DPP10: variants seen among roughly 807,000 people sequenced by gnomAD.
DPP10 encodes inactive dipeptidyl peptidase 10.
A neutral mutation model predicts 120.9 loss-of-function variants in DPP10; 33 were observed. The ratio of observed to expected loss-of-function variants is 0.27; its 90% CI spans 0.21 to 0.37. The LOEUF (loss-of-function observed/expected upper bound fraction) is 0.37, where lower values mean the gene tolerates loss of function less well. Among genes scored for constraint, DPP10 ranks in the 10% least tolerant of loss-of-function variants. DPP10 has a pLI of 1.00. For synonymous variants in DPP10, 337 were observed against 326.1 expected, an observed-to-expected ratio of 1.03 and a Z score of -0.36; for missense variants, 816 against 942.8, an observed-to-expected ratio of 0.87 and a Z score of 1.76.
intron 1 of DPP10, among the ~76,000 whole-genome samples, chr2:114,680,001 T>C (rs1698922233): frequency 6.6e-6 from 1 of 151,986 alleles, no homozygotes; most frequent in Admixed American, 6.6e-5. Context: ...CCTAGGATAT[T>C]TAAAATAGGA....
intron 1 of DPP10, among the ~76,000 whole-genome samples, chr2:115,087,208 C>T (rs1420836822): frequency 6.6e-6 from 1 of 152,188 alleles, no homozygotes; most frequent in Non-Finnish European, 1.5e-5. Flanking sequence ...ATTTTCCAAA[C>T]TGAAACACCT....
At chr2:114,544,388 A>G (rs1003106093) in intron 1 of DPP10, among the ~76,000 whole-genome samples, 1 of 152,210 alleles carries the variant, frequency 6.6e-6, no homozygotes, top group Non-Finnish European at 1.5e-5. Context: ...ACACAGACTA[A>G]TAAAGTATGT....
chr2:114,481,216 C>T (rs949902239), intron 1 of DPP10, among the ~76,000 whole-genome samples: 3 of 151,966 alleles, frequency 2.0e-5, no homozygotes, highest in Admixed American at 6.6e-5. Flanking sequence ...ACATAGAGCT[C>T]TCTAACCTCA....
In DPP10 at chr2:115,515,663, A is replaced by C. The variant is rs573572540; in HGVS notation, c.367-10235A>C. On this transcript the variant is annotated intron_variant, in intron 4 of 25. Coordinates refer to ENST00000410059, the MANE Select transcript of DPP10 (RefSeq NM_020868.6). ...CCACTGAAAGGATGTTCTGTGTTTC[A>C]CATATCTTAATAAACCTTTATCTGT... Among the ~76,000 whole-genome samples, 3 of 152,214 alleles carry C rather than the reference A, an allele frequency of 2.0e-5. No individual in the cohort carries two copies. In the South Asian group the frequency reaches 6.2e-4, roughly 32 times the overall value.
At chr2:115,017,326 T>C (rs537419752) in intron 1 of DPP10, among the ~76,000 whole-genome samples, 1 of 152,026 alleles carries the variant, frequency 6.6e-6, no homozygotes, top group East Asian at 1.9e-4. Flanking sequence ...CCAGTTAGAA[T>C]AGCAATCATT....
At chr2:115,725,033 T>G (rs2092732449) in intron 7 of DPP10, among the ~76,000 whole-genome samples, 1 of 152,190 alleles carries the variant, frequency 6.6e-6, no homozygotes, top group Non-Finnish European at 1.5e-5. Flanking sequence ...CACTAGGGAT[T>G]ACATCTCAAA....
intron 1 of DPP10, among the ~76,000 whole-genome samples, chr2:115,121,550 G>A (rs1207326144): frequency 6.6e-6 from 1 of 152,172 alleles, no homozygotes; most frequent in African/African-American, 2.4e-5. Context: ...TTTGGCTCTT[G>A]GAACATCCTT....
chr2:114,528,315 C>T (rs2104711947), intron 1 of DPP10, among the ~76,000 whole-genome samples: 1 of 152,200 alleles, frequency 6.6e-6, no homozygotes, highest in South Asian at 2.1e-4. Flanking sequence ...CCACAGTCAG[C>T]CAGAAGTGCT....
chr2:114,841,086 T>C (rs751406062), intron 1 of DPP10, among the ~76,000 whole-genome samples: 3 of 152,234 alleles, frequency 2.0e-5, no homozygotes, highest in Non-Finnish European at 4.4e-5. Flanking sequence ...ATATGTATTA[T>C]GTTTTTTAAA....
At chr2:114,716,309 T>C (rs1212856589) in intron 1 of DPP10, among the ~76,000 whole-genome samples, 2 of 152,204 alleles carry the variant, frequency 1.3e-5, no homozygotes, top group African/African-American at 4.8e-5. Context: ...GGTGAAAGTT[T>C]AATGCCTTTA....
At chr2:114,836,403 G>T (rs929904354) in intron 1 of DPP10, among the ~76,000 whole-genome samples, 10 of 152,088 alleles carry the variant, frequency 6.6e-5, no homozygotes, top group African/African-American at 2.4e-4. Context: ...CTGGGCTTCC[G>T]GGGGAGAAAT....
chr2:114,661,783 T>A (rs1697422999), intron 1 of DPP10, among the ~76,000 whole-genome samples: 1 of 152,162 alleles, frequency 6.6e-6, no homozygotes, highest in Non-Finnish European at 1.5e-5. Context: ...TGGTACTTTA[T>A]GAGAATGTGC....
chr2:115,700,106 A>G (rs1377711898), intron 7 of DPP10, among the ~76,000 whole-genome samples: 2 of 152,262 alleles, frequency 1.3e-5, no homozygotes, highest in East Asian at 3.9e-4. Flanking sequence ...GTTACCACAC[A>G]CTTTTAAACA....
chr2:114,976,410 G>T (rs1699761191), intron 1 of DPP10, among the ~76,000 whole-genome samples: 1 of 151,970 alleles, frequency 6.6e-6, no homozygotes, highest in South Asian at 2.1e-4. Flanking sequence ...GTATTTCTTG[G>T]CTGAATTTAT....
intron 2 of DPP10, among the ~76,000 whole-genome samples, chr2:115,340,564 T>C (rs1396461335): frequency 6.6e-6 from 1 of 151,966 alleles, no homozygotes; most frequent in Non-Finnish European, 1.5e-5. Flanking sequence ...ACATGAAAGA[T>C]ACCATGTTTG....
intron 1 of DPP10, among the ~76,000 whole-genome samples, chr2:114,702,662 C>A (rs1459002972): frequency 6.6e-6 from 1 of 152,060 alleles, no homozygotes; most frequent in Non-Finnish European, 1.5e-5. Context: ...CTTTATATTG[C>A]CTTGTCATAT....
chr2:114,741,310 A>G (rs1431308150), intron 1 of DPP10, among the ~76,000 whole-genome samples: 2 of 152,212 alleles, frequency 1.3e-5, no homozygotes, highest in African/African-American at 2.4e-5. Flanking sequence ...TTCCACTATT[A>G]TTCTTGCAGT....
chr2:114,664,939 C>G lies in DPP10; in HGVS notation c.60+222101C>G, dbSNP rs535837670. Among the ~76,000 whole-genome samples the G allele has an allele frequency of 3.3e-3, 326 of 97,562 alleles. 5 individuals carry two copies. Among genetic ancestry groups the G allele is most frequent in the African/African-American group, 0.014 (205 of 14,218 alleles). 64.0% of individuals were successfully genotyped at this position (97,562 alleles called of 152,430 possible). ...GGCAGAGAGCATCCAAAAGATGGCA[C>G]AGAGCATCCAAAAGATGGCATAGAG... On this transcript the variant is annotated intron_variant, in intron 1 of 25. Coordinates refer to ENST00000410059, the MANE Select transcript of DPP10 (RefSeq NM_020868.6).
At chr2:114,653,027 A>AGTGTGTGTGTGTGTGTGTGTGTGTGT (rs10528455) in intron 1 of DPP10, among the ~76,000 whole-genome samples, 1 of 135,774 alleles carries the variant, frequency 7.4e-6, no homozygotes, top group African/African-American at 3.1e-5. Flanking sequence ...AGAGAGAGAG[A>AGTGTGTGTGTGTGTGTGTGTGTGTGT]GTGTGTGTGT....
Sources: gnomAD v4.1 joint callset for allele counts (sites outside exome capture counted in the v4.1 genomes callset) on GRCh38, gnomAD v4.1.1 for gene constraint, MANE v1.5 for transcripts, NCBI Gene and HGNC (gene_info 2026-07-23, HGNC 2026-07-21) for gene names.